BCL2L1: variants seen among roughly 807,000 people sequenced by gnomAD.
The protein encoded by BCL2L1 is bcl-2-like protein 1.
In BCL2L1, 1 loss-of-function variant was observed where a neutral mutation model predicts 18.7. The ratio of observed to expected loss-of-function variants is 0.05; its 90% confidence interval spans 0.02 to 0.25. The LOEUF (loss-of-function observed/expected upper bound fraction) is 0.25, where lower values mean the gene tolerates loss of function less well. Ranked by LOEUF, BCL2L1 falls within the 10% of genes least tolerant of loss-of-function variation. The pLI, the probability that BCL2L1 is intolerant of heterozygous loss-of-function variation, is 1.00. For missense variants in BCL2L1, 207 were observed against 304.9 expected, an observed-to-expected ratio of 0.68 and a Z score of 2.39; for synonymous variants, 103 against 122.7, an observed-to-expected ratio of 0.84 and a Z score of 1.06.
At chr20:31,700,437 G>A (rs2122697500) in intron 2 of BCL2L1, among the ~76,000 whole-genome samples, 1 of 152,308 alleles carries the variant, frequency 6.6e-6, no homozygotes, top group Non-Finnish European at 1.5e-5. Flanking sequence ...GGCTGCCAAG[G>A]AGGGCCTTGG....
chr20:31,671,368 G>A (rs2122449269), intron 2 of BCL2L1, among the ~76,000 whole-genome samples: 1 of 152,134 alleles, frequency 6.6e-6, no homozygotes, highest in South Asian at 2.1e-4. Context: ...CAACAGTCCT[G>A]GCCACCCACT....
chr20:31,701,969 A>G (rs913060119), intron 2 of BCL2L1, among the ~76,000 whole-genome samples: 5 of 152,244 alleles, frequency 3.3e-5, no homozygotes, highest in Non-Finnish European at 7.3e-5. Flanking sequence ...ATTCTAATAG[A>G]AGAGACAGAC....
intron 2 of BCL2L1, among the ~76,000 whole-genome samples, chr20:31,674,978 G>A (rs2060736292): frequency 6.6e-6 from 1 of 152,102 alleles, no homozygotes; most frequent in African/African-American, 2.4e-5. Context: ...TGTCAAGGAG[G>A]GTAAAGTAGC....
At chr20:31,723,571 CT>C (rs2061670749), upstream of BCL2L1, 8 of 984,682 alleles carry the variant, frequency 8.1e-6, no homozygotes, top group Non-Finnish European at 9.6e-6. Flanking sequence ...GGCAACCGCC[CT>C]CCCCCGGGGG....
intron 2 of BCL2L1, among the ~76,000 whole-genome samples, chr20:31,675,272 G>A (rs2060741315): frequency 6.6e-6 from 1 of 152,216 alleles, no homozygotes; most frequent in Admixed American, 6.5e-5. Flanking sequence ...AGGGACACCA[G>A]AACTGTACCT....
intron 2 of BCL2L1, among the ~76,000 whole-genome samples, chr20:31,676,774 A>C (rs1187311558): frequency 6.6e-6 from 1 of 152,108 alleles, no homozygotes; most frequent in African/African-American, 2.4e-5. Flanking sequence ...TTTCATTCTG[A>C]TGGTCCACAC....
chr20:31,696,059 C>G (rs573895693), intron 2 of BCL2L1, among the ~76,000 whole-genome samples: 1 of 152,270 alleles, frequency 6.6e-6, no homozygotes, highest in Admixed American at 6.5e-5. Context: ...GAATTAAAGG[C>G]GAGAGCCACC....
In BCL2L1 at chr20:31,665,000, G is replaced by A. The variant is rs2060566169; in HGVS notation, c.*949C>T. On this transcript the variant is annotated 3_prime_UTR_variant, in exon 3 of 3. Transcript: ENST00000307677. The stretch of plus-strand genomic sequence containing the variant: ...TCTCCTTCCTGCCCTTCCTGCCTGA[G>A]GTAGGGAAGACCCTGGGGCTCCCAT... 2 of 197,362 alleles carry A rather than the reference G, an allele frequency of 1.0e-5. No homozygotes were observed. The highest frequency in any genetic ancestry group is 2.1e-5 in the Non-Finnish European group (2 of 94,810). The allele number at this position is 197,362 out of a possible 1,614,324, so 12.2% of individuals were successfully genotyped here.
At chr20:31,717,503 G>A (rs1395367109) in intron 2 of BCL2L1, among the ~76,000 whole-genome samples, 1 of 152,194 alleles carries the variant, frequency 6.6e-6, no homozygotes, top group African/African-American at 2.4e-5. Flanking sequence ...AGAATTTTAA[G>A]AGCAACCTCA....
At chr20:31,697,514 T>C (rs923498096) in intron 2 of BCL2L1, among the ~76,000 whole-genome samples, 2 of 151,960 alleles carry the variant, frequency 1.3e-5, no homozygotes, top group Non-Finnish European at 2.9e-5. Context: ...CTTGACTCAC[T>C]GCAACCTCCA....
At chr20:31,720,014 A>G (rs947771874) in intron 2 of BCL2L1, 1 of 873,926 alleles carries the variant, frequency 1.1e-6, no homozygotes, top group Non-Finnish European at 1.4e-6. Context: ...AGGTCACTGC[A>G]CAAACCAACA....
At chr20:31,691,532 A>C (rs953833651) in intron 2 of BCL2L1, among the ~76,000 whole-genome samples, 15 of 150,160 alleles carry the variant, frequency 1.0e-4, no homozygotes, top group Admixed American at 9.3e-4. Flanking sequence ...AAATAAAATA[A>C]AATAAAATAA....
At chr20:31,685,261 G>T (rs1825491) in intron 2 of BCL2L1, among the ~76,000 whole-genome samples, 4 of 152,066 alleles carry the variant, frequency 2.6e-5, no homozygotes, top group Non-Finnish European at 5.9e-5. Context: ...TTAGCCAGGC[G>T]TGGTGGCGGG....
chr20:31,693,142 C>CTA (rs1210902293), intron 2 of BCL2L1, among the ~76,000 whole-genome samples: 8 of 140,024 alleles, frequency 5.7e-5, no homozygotes, highest in African/African-American at 8.0e-5. Context: ...GAATATATAC[C>CTA]TATATATATA....
chr20:31,707,227 A>T (rs140027908), intron 2 of BCL2L1, among the ~76,000 whole-genome samples: 1 of 152,332 alleles, frequency 6.6e-6, no homozygotes, highest in African/African-American at 2.4e-5. Context: ...GTTGTGAGCC[A>T]AGGCCCCAAG....
intron 2 of BCL2L1, among the ~76,000 whole-genome samples, chr20:31,671,130 G>A (rs973488127): frequency 6.6e-6 from 1 of 151,998 alleles, no homozygotes; most frequent in South Asian, 2.1e-4. Context: ...GGGTTTGTAG[G>A]GCCACTGGCG....
intron 2 of BCL2L1, among the ~76,000 whole-genome samples, chr20:31,689,232 AAAGG>A (rs1417772109): frequency 1.0e-5 from 1 of 97,572 alleles, no homozygotes; most frequent in African/African-American, 4.2e-5. Context: ...GAAGAAAAGG[AAAGG>A]AAGAAAGGGG....
At chr20:31,691,500 C>T (rs998126873) in intron 2 of BCL2L1, among the ~76,000 whole-genome samples, 10 of 144,556 alleles carry the variant, frequency 6.9e-5, no homozygotes, top group African/African-American at 2.8e-4. Flanking sequence ...GGCGACAGAG[C>T]GAGACTCTAT....
At chr20:31,685,835 A>C (rs2060947255) in intron 2 of BCL2L1, among the ~76,000 whole-genome samples, 1 of 152,210 alleles carries the variant, frequency 6.6e-6, no homozygotes, top group South Asian at 2.1e-4. Flanking sequence ...TTATTAACTT[A>C]CTGTGTAACA....
Sources: gnomAD v4.1 joint callset for allele counts (sites outside exome capture counted in the v4.1 genomes callset) on GRCh38, gnomAD v4.1.1 for gene constraint, MANE v1.5 for transcripts, NCBI Gene and HGNC (gene_info 2026-07-23, HGNC 2026-07-21) for gene names.